The following ATP8B1 variants were observed in gnomAD, a reference collection of about 807,000 sequenced individuals.
The protein encoded by ATP8B1 is ATPase phospholipid transporting 8B1.
A neutral mutation model predicts 149.9 loss-of-function variants in ATP8B1; 80 were observed. The observed-to-expected ratio is 0.53, with a 90% CI of 0.45 to 0.64. The LOEUF (loss-of-function observed/expected upper bound fraction) is 0.64. Among genes scored for constraint, ATP8B1 ranks in the 30% least tolerant of loss-of-function variants. The pLI is 0.00. For synonymous variants in ATP8B1, 536 were observed against 562.8 expected, an observed-to-expected ratio of 0.95 and a Z score of 0.67; for missense variants, 1,247 against 1,552.6, an observed-to-expected ratio of 0.80 and a Z score of 3.31.
intron 2 of ATP8B1, among the ~76,000 whole-genome samples, chr18:57,726,622 C>G (rs1363355527): frequency 6.6e-6 from 1 of 152,158 alleles, no homozygotes; most frequent in African/African-American, 2.4e-5. Flanking sequence ...TGACTTCTAT[C>G]ATTAAAAATC....
At chr18:57,710,660 T>A (rs190154445) in intron 2 of ATP8B1, among the ~76,000 whole-genome samples, 1 of 152,222 alleles carries the variant, frequency 6.6e-6, no homozygotes, top group Non-Finnish European at 1.5e-5. Flanking sequence ...AAAGGGAAAT[T>A]CAATGCTGTT....
intron 1 of ATP8B1, among the ~76,000 whole-genome samples, chr18:57,781,056 A>C (rs1210491690): frequency 6.6e-6 from 1 of 152,258 alleles, no homozygotes; most frequent in Admixed American, 6.5e-5. Flanking sequence ...CATGAAGACC[A>C]TTCACATAAC....
intron 2 of ATP8B1, among the ~76,000 whole-genome samples, chr18:57,713,475 T>TTTTTATTTTATTTTATTTTATTTTA: frequency 6.8e-6 from 1 of 146,432 alleles, no homozygotes; most frequent in African/African-American, 2.6e-5. Flanking sequence ...TTTTAAAAAT[T>TTTTTATTTTATTTTATTTTATTTTA]TTTTATTTTA....
chr18:57,747,670 G>A (rs2079977243), intron 1 of ATP8B1, among the ~76,000 whole-genome samples: 1 of 152,156 alleles, frequency 6.6e-6, no homozygotes, highest in African/African-American at 2.4e-5. Context: ...CATTAAGTAT[G>A]ATTAGGGCAC....
chr18:57,673,046 T>C (rs1206867476), intron 16 of ATP8B1, among the ~76,000 whole-genome samples: 19 of 146,746 alleles, frequency 1.3e-4, no homozygotes. Context: ...TAAATATAAA[T>C]GTGTGTGTGT....
At chr18:57,794,261 G>T (rs1490930825) in intron 1 of ATP8B1, among the ~76,000 whole-genome samples, 5 of 151,964 alleles carry the variant, frequency 3.3e-5, no homozygotes, top group Non-Finnish European at 5.9e-5. Context: ...AGAGTCTATT[G>T]TTCTCTAGAA....
At chr18:57,672,036 A>G (rs1282079440) in intron 16 of ATP8B1, among the ~76,000 whole-genome samples, 1 of 152,262 alleles carries the variant, frequency 6.6e-6, no homozygotes, top group South Asian at 2.1e-4. Context: ...GTTGCCTTCA[A>G]CAAAACTGGT....
chr18:57,658,921 A>G (rs1447363907), intron 22 of ATP8B1, among the ~76,000 whole-genome samples: 1 of 152,144 alleles, frequency 6.6e-6, no homozygotes, highest in Non-Finnish European at 1.5e-5. Flanking sequence ...TATAACTTCT[A>G]AGGAGACCCC....
At chr18:57,773,675 C>T (rs1433000521) in intron 1 of ATP8B1, among the ~76,000 whole-genome samples, 1 of 152,150 alleles carries the variant, frequency 6.6e-6, no homozygotes, top group African/African-American at 2.4e-5. Context: ...CTCATAACTC[C>T]ATTATCCCCC....
At chr18:57,736,158 C>A (rs1361732884) in intron 1 of ATP8B1, among the ~76,000 whole-genome samples, 4 of 152,082 alleles carry the variant, frequency 2.6e-5, no homozygotes, top group Admixed American at 2.6e-4. Context: ...CGATCTCATT[C>A]TTTTTTATGG....
At chr18:57,769,997 G>C (rs2080250671) in intron 1 of ATP8B1, among the ~76,000 whole-genome samples, 1 of 151,586 alleles carries the variant, frequency 6.6e-6, no homozygotes, top group South Asian at 2.1e-4. Context: ...GTGCGGTAGA[G>C]TCCAGATTAA....
At chr18:57,688,596 A>G in intron 12 of ATP8B1, 89 bp from the exon 13 acceptor site, 1 of 1,320,310 alleles carries the variant, frequency 7.6e-7, no homozygotes, top group Admixed American at 1.8e-5. Context: ...AGACGAGAGC[A>G]AGCTGCTTAT....
At position 57,668,531 on chromosome 18, in the gene ATP8B1, C is replaced by A; in HGVS notation, c.2107G>T (p.Ala703Ser). Residue 703 changes from alanine to serine, a missense_variant, in exon 19 of 28, where the codon GCT becomes TCT. Around this residue, in one of 3 missense-constraint regions of ATP8B1, gnomAD observed 853 missense variants for 1,035.7 expected, o/e 0.82. Coordinates refer to ENST00000648908, the MANE Select transcript of ATP8B1 (RefSeq NM_001374385.1). Reference sequence around the variant, plus strand: ...TGTAGCTTGTCTTCAATAGCTGTAGCTCCCAGGAGCTAGAATGTATATTAA... The same window carrying A: ...TGTAGCTTGTCTTCAATAGCTGTAGATCCCAGGAGCTAGAATGTATATTAA... ...EIEKDLILLG[A>S]TAIEDKLQDG... The A allele has an allele frequency of 1.7e-6, 2 of 1,203,154 alleles. No homozygotes were observed. Among genetic ancestry groups the A allele is most frequent in the Non-Finnish European group, 2.4e-6 (2 of 825,976 alleles). The allele number at this position is 1,203,154 out of a possible 1,614,324, so 74.5% of individuals were successfully genotyped here.
At chr18:57,728,969 C>T (rs1403274267) in intron 2 of ATP8B1, among the ~76,000 whole-genome samples, 1 of 152,020 alleles carries the variant, frequency 6.6e-6, no homozygotes, top group Non-Finnish European at 1.5e-5. Context: ...ATTCAACTTC[C>T]TTGGCCTCCC....
intron 1 of ATP8B1, among the ~76,000 whole-genome samples, chr18:57,735,871 C>A (rs1468872908): frequency 6.6e-6 from 1 of 152,070 alleles, no homozygotes; most frequent in African/African-American, 2.4e-5. Flanking sequence ...CATAGGTATA[C>A]ATGTGCCATG....
At chr18:57,783,098 C>T (rs562948417) in intron 1 of ATP8B1, among the ~76,000 whole-genome samples, 1 of 152,074 alleles carries the variant, frequency 6.6e-6, no homozygotes, top group Admixed American at 6.6e-5. Flanking sequence ...CAGGCGTGAG[C>T]CACGGTGCCC....
chr18:57,782,271 T>C (rs971843271), intron 1 of ATP8B1, among the ~76,000 whole-genome samples: 18 of 152,372 alleles, frequency 1.2e-4, no homozygotes, highest in Middle Eastern at 6.8e-3. Context: ...ATATGAGCTA[T>C]GAAATTAAGT....
intron 4 of ATP8B1, among the ~76,000 whole-genome samples, chr18:57,702,046 G>A (rs1172720013): frequency 6.6e-6 from 1 of 152,088 alleles, no homozygotes. Flanking sequence ...GTTCTATACT[G>A]CAGGTTTCTC....
At chr18:57,677,997 A>C (rs1911704024) in intron 15 of ATP8B1, among the ~76,000 whole-genome samples, 1 of 152,222 alleles carries the variant, frequency 6.6e-6, no homozygotes, top group Non-Finnish European at 1.5e-5. Context: ...GAATCACAGA[A>C]TTGCAGACTA....
Sources: gnomAD v4.1 joint callset for allele counts (sites outside exome capture counted in the v4.1 genomes callset) on GRCh38, gnomAD v4.1.1 for gene constraint, gnomAD v4.1.1 regional missense constraint, MANE v1.5 for transcripts, NCBI Gene and HGNC (gene_info 2026-07-23, HGNC 2026-07-21) for gene names.